CNTN6: variants seen among roughly 807,000 people sequenced by gnomAD.
CNTN6 encodes the protein contactin-6.
A neutral mutation model predicts 122.8 loss-of-function variants in CNTN6; 137 were observed. The ratio of observed to expected loss-of-function variants is 1.12; its 90% CI spans 0.97 to 1.29. The LOEUF is 1.29. Among genes scored for constraint, CNTN6 ranks in the 50% most tolerant of loss-of-function variants. The pLI, the probability that CNTN6 is intolerant of heterozygous loss-of-function variation, is 0.00. For synonymous variants in CNTN6, 570 were observed against 426.0 expected (o/e 1.34, Z -4.16); for missense variants, 1,634 against 1,223.4 (o/e 1.34, Z -5.01).
rs146595114 is a variant in CNTN6 at position 1,175,540 on chromosome 3, G to A, written c.55+27477G>A. Among the ~76,000 whole-genome samples the A allele has an allele frequency of 2.1e-3, 324 of 152,190 alleles. 1 individual carries two copies. Among genetic ancestry groups the A allele is most frequent in the African/African-American group, 7.1e-3 (296 of 41,540 alleles). On this transcript the variant is annotated intron_variant, in intron 2 of 22. Transcript: ENST00000446702. Reference sequence around the variant, plus strand: ...GGAGAGGCAGGGACCAAACTATATAGGACTTTGTAGGTCCTTTTACAAATT... The same window carrying A: ...GGAGAGGCAGGGACCAAACTATATAAGACTTTGTAGGTCCTTTTACAAATT...
intron 2 of CNTN6, among the ~76,000 whole-genome samples, chr3:1,214,510 A>G (rs948839222): frequency 6.6e-6 from 1 of 151,510 alleles, no homozygotes; most frequent in African/African-American, 2.4e-5. Context: ...GGGTTTCACT[A>G]TGTTGGCCAG....
chr3:1,183,589 A>AT (rs952792745), intron 2 of CNTN6, among the ~76,000 whole-genome samples: 15 of 152,052 alleles, frequency 9.9e-5, no homozygotes, highest in African/African-American at 3.4e-4. Context: ...ACATTCCTAC[A>AT]TTTTTATTTA....
chr3:1,250,872 G>C (rs934291385), intron 4 of CNTN6, among the ~76,000 whole-genome samples: 1 of 152,058 alleles, frequency 6.6e-6, no homozygotes, highest in African/African-American at 2.4e-5. Context: ...TCTTACCACA[G>C]GTCTGTCAGT....
chr3:1,242,336 C>CA (rs1299354822), intron 4 of CNTN6, among the ~76,000 whole-genome samples: 1 of 151,816 alleles, frequency 6.6e-6, no homozygotes, highest in Non-Finnish European at 1.5e-5. Context: ...GGATTGAGGA[C>CA]AAAAGAGTGT....
At chr3:1,315,198 T>C (rs1214847302) in intron 7 of CNTN6, among the ~76,000 whole-genome samples, 1 of 152,052 alleles carries the variant, frequency 6.6e-6, no homozygotes, top group East Asian at 1.9e-4. Context: ...GTGTTCTTTA[T>C]CTGATTAATA....
At chr3:1,193,934 T>C (rs2093737959) in intron 2 of CNTN6, among the ~76,000 whole-genome samples, 1 of 152,156 alleles carries the variant, frequency 6.6e-6, no homozygotes, top group African/African-American at 2.4e-5. Context: ...ATGAAACGTT[T>C]TCTTGTATGT....
At chr3:1,219,147 A>T (rs1014495778) in intron 2 of CNTN6, among the ~76,000 whole-genome samples, 16 of 152,236 alleles carry the variant, frequency 1.1e-4, no homozygotes, top group Non-Finnish European at 1.8e-4. Context: ...GCATATTTGC[A>T]TTGTCTAAAA....
intron 5 of CNTN6, among the ~76,000 whole-genome samples, chr3:1,281,901 A>G (rs1693511378): frequency 6.6e-6 from 1 of 152,068 alleles, no homozygotes; most frequent in Non-Finnish European, 1.5e-5. Context: ...CTTTCTTTTT[A>G]GTGTATTCAC....
chr3:1,200,020 T>TTTGTTTTTAGACATATATATATGTC (rs2093838426), intron 2 of CNTN6, among the ~76,000 whole-genome samples: 2 of 152,122 alleles, frequency 1.3e-5, no homozygotes, highest in South Asian at 4.1e-4. Flanking sequence ...GGTAGAAAAC[T>TTTGTTTTTAGACATATATATATGTC]TTGTTTTTAG....
intron 1 of CNTN6, among the ~76,000 whole-genome samples, chr3:1,107,989 A>G (rs1414372431): frequency 6.6e-6 from 1 of 152,076 alleles, no homozygotes; most frequent in Non-Finnish European, 1.5e-5. Flanking sequence ...TGATAAATAT[A>G]ATTATAATTA....
At chr3:1,114,689 C>T (rs1016396951) in intron 1 of CNTN6, among the ~76,000 whole-genome samples, 1 of 152,190 alleles carries the variant, frequency 6.6e-6, no homozygotes, top group African/African-American at 2.4e-5. Flanking sequence ...AGGAAGAATA[C>T]TTCGCAAAAG....
intron 7 of CNTN6, among the ~76,000 whole-genome samples, chr3:1,300,735 C>T (rs562658558): frequency 1.3e-5 from 2 of 152,058 alleles, no homozygotes; most frequent in Non-Finnish European, 2.9e-5. Context: ...GAGTAACACA[C>T]GGACATCATA....
At chr3:1,264,626 G>A (rs893196870) in intron 4 of CNTN6, among the ~76,000 whole-genome samples, 44 of 151,886 alleles carry the variant, frequency 2.9e-4, no homozygotes, top group African/African-American at 9.7e-4. Flanking sequence ...GTAAAATGTG[G>A]TATTTTGATG....
chr3:1,133,339 GTAATAA>G (rs946094854), intron 1 of CNTN6, among the ~76,000 whole-genome samples: 2 of 151,892 alleles, frequency 1.3e-5, no homozygotes, highest in Admixed American at 6.6e-5. Context: ...TACTTTTGTA[GTAATAA>G]TAATAATAAT....
chr3:1,311,886 T>C (rs1575654530), intron 7 of CNTN6, among the ~76,000 whole-genome samples: 1 of 152,134 alleles, frequency 6.6e-6, no homozygotes, highest in African/African-American at 2.4e-5. Context: ...TATTTCAATA[T>C]ATATTTATAG....
At chr3:1,113,988 A>G (rs1225542692) in intron 1 of CNTN6, among the ~76,000 whole-genome samples, 1 of 152,066 alleles carries the variant, frequency 6.6e-6, no homozygotes, top group Admixed American at 6.6e-5. Flanking sequence ...TTCAGTAGAG[A>G]TTTTCGTGCA....
At chr3:1,261,843 T>C (rs1285616381) in intron 4 of CNTN6, among the ~76,000 whole-genome samples, 3 of 152,186 alleles carry the variant, frequency 2.0e-5, no homozygotes, top group Non-Finnish European at 4.4e-5. Context: ...AAAGGTCACA[T>C]GTAATAAGAC....
chr3:1,350,040 A>C (rs1705381539), intron 11 of CNTN6, among the ~76,000 whole-genome samples: 1 of 151,890 alleles, frequency 6.6e-6, no homozygotes. Context: ...GTATGTTATT[A>C]TTCTTTTATA....
chr3:1,263,357 T>A (rs1186801610), intron 4 of CNTN6, among the ~76,000 whole-genome samples: 1 of 152,172 alleles, frequency 6.6e-6, no homozygotes, highest in African/African-American at 2.4e-5. Context: ...GGTTTTTCTG[T>A]CTCCCCTGGG....
Sources: gnomAD v4.1 joint callset for allele counts (sites outside exome capture counted in the v4.1 genomes callset) on GRCh38, gnomAD v4.1.1 for gene constraint, MANE v1.5 for transcripts, NCBI Gene and HGNC (gene_info 2026-07-23, HGNC 2026-07-21) for gene names.